Variants in CDK19 observed in about 807,000 individuals in gnomAD.
The protein encoded by CDK19 is cyclin-dependent kinase 19.
In CDK19, 20 loss-of-function variants were observed where a neutral mutation model predicts 68.3. The observed-to-expected ratio is 0.29, with a 90% CI of 0.21 to 0.43. CDK19 has a LOEUF of 0.43. Ranked by LOEUF, CDK19 falls within the 20% of genes least tolerant of loss-of-function variation. The pLI, the probability that CDK19 is intolerant of heterozygous loss-of-function variation, is 1.00. For synonymous variants in CDK19, 221 were observed against 222.8 expected, an observed-to-expected ratio of 0.99 and a Z score of 0.07; for missense variants, 339 against 623.5, an observed-to-expected ratio of 0.54 and a Z score of 4.86.
In CDK19 at chr6:110,771,808, T is replaced by C. The variant is rs1336235347; in HGVS notation, c.129-25607A>G. Among the ~76,000 whole-genome samples the C allele has an allele frequency of 2.0e-5, 3 of 152,204 alleles. No homozygotes were observed. In the East Asian group the frequency reaches 5.8e-4, roughly 29 times the overall value. ...TCCGCCAGATATCCTAAATCATCTT[T>C]CTCAAGTTCAAAGTTCCACAAATCT... On this transcript the variant is annotated intron_variant, in intron 1 of 12. Transcript: ENST00000368911.
chr6:110,754,769 C>T (rs1030031117), intron 1 of CDK19, among the ~76,000 whole-genome samples: 1 of 152,142 alleles, frequency 6.6e-6, no homozygotes, highest in Non-Finnish European at 1.5e-5. Context: ...CGTCAGCCAC[C>T]CTGCCTGGCC....
intron 1 of CDK19, among the ~76,000 whole-genome samples, chr6:110,776,988 C>T (rs1171686788): frequency 6.6e-6 from 1 of 152,154 alleles, no homozygotes; most frequent in Non-Finnish European, 1.5e-5. Context: ...AGCAAGCAGC[C>T]AGAAGTGGCA....
At chr6:110,630,563 G>A (rs1471500663) in intron 6 of CDK19, among the ~76,000 whole-genome samples, 1 of 152,182 alleles carries the variant, frequency 6.6e-6, no homozygotes, top group Non-Finnish European at 1.5e-5. Flanking sequence ...TCACTGGTTG[G>A]AATGTACACA....
At position 110,720,867 on chromosome 6, in the gene CDK19, CA is replaced by C. The variant is rs60184209; in HGVS notation, c.204+25258del. On this transcript the variant is annotated intron_variant, in intron 2 of 12. Coordinates refer to ENST00000368911, the MANE Select transcript of CDK19 (RefSeq NM_015076.5). ...TGAATAACAGGGCTAGACTCTGTCT[CA>C]AAAAAAAAAAAAAAAAAAATTTCAT... 0.03 allele frequency among the ~76,000 whole-genome samples: 2,778 copies of C among 92,548 alleles called. 210 individuals carry two copies. In the East Asian group the frequency reaches 0.32, roughly 11 times the overall value. The allele number at this position is 92,548 out of a possible 152,430, so 60.7% of individuals were successfully genotyped here.
At chr6:110,767,890 A>C (rs1779705248) in intron 1 of CDK19, among the ~76,000 whole-genome samples, 1 of 152,212 alleles carries the variant, frequency 6.6e-6, no homozygotes. Context: ...ATTTTCAAGA[A>C]GGCAAAAATA....
At chr6:110,795,174 T>C (rs1408243764) in intron 1 of CDK19, among the ~76,000 whole-genome samples, 1 of 152,160 alleles carries the variant, frequency 6.6e-6, no homozygotes, top group Non-Finnish European at 1.5e-5. Flanking sequence ...TTCCCCCTTG[T>C]TGCACAGGCT....
intron 2 of CDK19, among the ~76,000 whole-genome samples, chr6:110,737,966 T>C (rs1777368190): frequency 6.6e-6 from 1 of 152,148 alleles, no homozygotes; most frequent in African/African-American, 2.4e-5. Flanking sequence ...ATTTACTTAG[T>C]TCTATTCTCT....
chr6:110,767,883 T>G (rs1242874520), intron 1 of CDK19, among the ~76,000 whole-genome samples: 7 of 152,060 alleles, frequency 4.6e-5, no homozygotes, highest in Non-Finnish European at 1.0e-4. Flanking sequence ...GAAAGATATT[T>G]TCAAGAAGGC....
intron 1 of CDK19, among the ~76,000 whole-genome samples, chr6:110,763,661 C>G (rs548612467): frequency 6.6e-6 from 1 of 151,908 alleles, no homozygotes; most frequent in Admixed American, 6.6e-5. Flanking sequence ...GTGAACCGCC[C>G]GCCTCGGACT....
intron 2 of CDK19, among the ~76,000 whole-genome samples, chr6:110,714,331 T>A (rs1691622349): frequency 6.6e-6 from 1 of 152,236 alleles, no homozygotes; most frequent in Non-Finnish European, 1.5e-5. Flanking sequence ...ATACGACAGT[T>A]ATTTCTAATT....
rs535559565 is a variant in CDK19 at position 110,794,187 on chromosome 6, G to A, written c.128+20822C>T. Reference sequence around the variant, plus strand: ...CAGCCTCCCAAGTAACTGGGACTAAGGGCGTCTGCCACCACGCCTAGCTAA... The same window carrying A: ...CAGCCTCCCAAGTAACTGGGACTAAAGGCGTCTGCCACCACGCCTAGCTAA... On this transcript the variant is annotated intron_variant, in intron 1 of 12. Coordinates refer to ENST00000368911, the MANE Select transcript of CDK19 (RefSeq NM_015076.5). Among the ~76,000 whole-genome samples, 13 of 150,422 alleles carry A rather than the reference G, an allele frequency of 8.6e-5. No individual in the cohort carries two copies. In the South Asian group the frequency reaches 2.7e-3, roughly 32 times the overall value.
intron 2 of CDK19, among the ~76,000 whole-genome samples, chr6:110,702,140 C>CA (rs1449494028): frequency 6.7e-6 from 1 of 149,392 alleles, no homozygotes; most frequent in Non-Finnish European, 1.5e-5. Context: ...GATTCTGTCT[C>CA]AAAAAAATAA....
At chr6:110,630,000 A>T (rs904399729) in intron 6 of CDK19, among the ~76,000 whole-genome samples, 48 of 151,974 alleles carry the variant, frequency 3.2e-4, no homozygotes, top group Non-Finnish European at 5.3e-4. Context: ...TCATTTATTT[A>T]AAAAAAAGCA....
At chr6:110,700,932 C>A (rs144208906) in intron 2 of CDK19, 1 of 152,828 alleles carries the variant, frequency 6.5e-6, no homozygotes, top group East Asian at 1.9e-4. Context: ...ATTGGCCGGG[C>A]GCGGTGGCTC....
At chr6:110,813,310 C>T (rs541225074) in intron 1 of CDK19, 4 of 152,018 alleles carry the variant, frequency 2.6e-5, no homozygotes, top group South Asian at 2.1e-4. Flanking sequence ...TAAAAGAAAG[C>T]TATTTTAACA....
chr6:110,759,432 T>C (rs1240117318), intron 1 of CDK19, among the ~76,000 whole-genome samples: 4 of 110,726 alleles, frequency 3.6e-5, no homozygotes, highest in African/African-American at 1.6e-4. Context: ...AAAAAAAATA[T>C]ATATATATAT....
At chr6:110,674,553 T>C (rs1342783978) in intron 2 of CDK19, among the ~76,000 whole-genome samples, 1 of 152,138 alleles carries the variant, frequency 6.6e-6, no homozygotes, top group African/African-American at 2.4e-5. Flanking sequence ...TTATTGTGGA[T>C]AGGGAGAAAG....
chr6:110,685,307 C>T (rs1772382156), intron 2 of CDK19, among the ~76,000 whole-genome samples: 1 of 152,128 alleles, frequency 6.6e-6, no homozygotes, highest in African/African-American at 2.4e-5. Context: ...AAACATATTT[C>T]CTATCTTCTT....
chr6:110,743,432 A>G (rs1362405769), intron 2 of CDK19, among the ~76,000 whole-genome samples: 1 of 152,044 alleles, frequency 6.6e-6, no homozygotes, highest in Non-Finnish European at 1.5e-5. Context: ...ACTTGAGGTC[A>G]GGTGTTCAAG....
Sources: gnomAD v4.1 joint callset for allele counts (sites outside exome capture counted in the v4.1 genomes callset) on GRCh38, gnomAD v4.1.1 for gene constraint, MANE v1.5 for transcripts, NCBI Gene and HGNC (gene_info 2026-07-23, HGNC 2026-07-21) for gene names.